The following PDE3A variants were observed in gnomAD, a reference collection of about 807,000 sequenced individuals.
PDE3A encodes the protein phosphodiesterase 3A, also known as cGMP-inhibited 3',5'-cyclic phosphodiesterase 3A.
PDE3A carries 43 observed loss-of-function variants against 98.3 expected under a neutral mutation model. That is an observed-to-expected ratio of 0.44 (90% CI 0.34 to 0.56). The LOEUF is 0.56. Ranked by LOEUF, PDE3A falls within the 20% of genes least tolerant of loss-of-function variation. The probability of loss-of-function intolerance (pLI) is 0.01; values close to 1 mark genes in which losing one functional copy is unlikely to be tolerated. For synonymous variants in PDE3A, 663 were observed against 567.9 expected (o/e 1.17, Z -2.38); for missense variants, 1,427 against 1,440.7 (o/e 0.99, Z 0.15).
intron 1 of PDE3A, among the ~76,000 whole-genome samples, chr12:20,391,679 A>G (rs1430563058): frequency 2.6e-5 from 4 of 151,780 alleles, no homozygotes; most frequent in Non-Finnish European, 4.4e-5. Flanking sequence ...GTAGAGCTCA[A>G]TTTATGAAAT....
chr12:20,479,958 A>C (rs971272653), intron 1 of PDE3A, among the ~76,000 whole-genome samples: 2 of 152,224 alleles, frequency 1.3e-5, no homozygotes, highest in Non-Finnish European at 1.5e-5. Context: ...TAAAAGACTT[A>C]GTTTGTCAAG....
Position 20,685,945 on chromosome 12 carries a change from A to G in PDE3A, c.*5674A>G, listed in dbSNP as rs1945949474. On this transcript the variant is annotated 3_prime_UTR_variant, in exon 16 of 16. Transcript: ENST00000359062. Reference sequence around the variant, plus strand: ...TCTCAAGAATGTTTAAATTTGGTTTATTTTCTTGAAGCAAAGTTATTTAAT... The same window carrying G: ...TCTCAAGAATGTTTAAATTTGGTTTGTTTTCTTGAAGCAAAGTTATTTAAT... 6.6e-6 allele frequency among the ~76,000 whole-genome samples: 1 copy of G among 152,096 alleles called. No individual in the cohort carries two copies. Among genetic ancestry groups the G allele is most frequent in the Non-Finnish European group, 1.5e-5 (1 of 67,966 alleles).
chr12:20,566,567 G>GACAA (rs945539056), intron 2 of PDE3A, among the ~76,000 whole-genome samples: 2 of 151,628 alleles, frequency 1.3e-5, no homozygotes, highest in African/African-American at 4.8e-5. Flanking sequence ...TTGTGGGTGA[G>GACAA]ACAAACAGAT....
chr12:20,382,422 T>C (rs1378563222), intron 1 of PDE3A, among the ~76,000 whole-genome samples: 2 of 151,926 alleles, frequency 1.3e-5, no homozygotes, highest in African/African-American at 4.8e-5. Context: ...TTCATAAATG[T>C]TTCACTTTGA....
At chr12:20,618,724 TA>T (rs917734396) in intron 4 of PDE3A, among the ~76,000 whole-genome samples, 1 of 152,002 alleles carries the variant, frequency 6.6e-6, no homozygotes, top group Non-Finnish European at 1.5e-5. Flanking sequence ...AGTAGGTGCT[TA>T]AAAAATAGGC....
At chr12:20,529,385 A>G (rs1946583452) in intron 1 of PDE3A, among the ~76,000 whole-genome samples, 2 of 152,156 alleles carry the variant, frequency 1.3e-5, no homozygotes, top group South Asian at 2.1e-4. Context: ...ATATACTAAG[A>G]GTTGAATTGT....
chr12:20,386,231 A>AATAT (rs1430495753), intron 1 of PDE3A, among the ~76,000 whole-genome samples: 2 of 90,290 alleles, frequency 2.2e-5, no homozygotes, highest in Non-Finnish European at 2.2e-5. Context: ...AAAAAATAAA[A>AATAT]ATATAAATAT....
intron 2 of PDE3A, among the ~76,000 whole-genome samples, chr12:20,573,078 A>G (rs563774573): frequency 2.6e-5 from 4 of 152,076 alleles, no homozygotes; most frequent in Non-Finnish European, 5.9e-5. Flanking sequence ...ACTGACTTTG[A>G]TGGTAAGTTT....
chr12:20,561,173 G>C lies in PDE3A; in HGVS notation c.1011+4463G>C, dbSNP rs181895030. 3.4e-3 allele frequency among the ~76,000 whole-genome samples: 517 copies of C among 151,952 alleles called. 3 individuals are homozygous for C. Among genetic ancestry groups the C allele is most frequent in the Non-Finnish European group, 3.5e-3 (235 of 67,996 alleles). ...CTACTCGCAAGACTGAGACAGAATA[G>C]CTTGAGCCCCGGAGGCAGAGGCTGC... On this transcript the variant is annotated intron_variant, in intron 2 of 15. Coordinates refer to ENST00000359062, the MANE Select transcript of PDE3A (RefSeq NM_000921.5).
chr12:20,677,796 C>T (rs1251477084), intron 15 of PDE3A, among the ~76,000 whole-genome samples: 1 of 117,632 alleles, frequency 8.5e-6, no homozygotes, highest in African/African-American at 3.3e-5. Flanking sequence ...ATCTATGCTG[C>T]CAGTTGGGTA....
intron 1 of PDE3A, among the ~76,000 whole-genome samples, chr12:20,386,088 T>TATAAATATATAAATATATATA (rs1555140934): frequency 5.9e-5 from 2 of 33,768 alleles, no homozygotes; most frequent in Admixed American, 6.8e-4. Context: ...TATAAATATA[T>TATAAATATATAAATATATATA]AAATATATAT....
intron 13 of PDE3A, among the ~76,000 whole-genome samples, chr12:20,649,978 T>C (rs1944877393): frequency 6.6e-6 from 1 of 151,922 alleles, no homozygotes; most frequent in African/African-American, 2.4e-5. Flanking sequence ...AAAAAAGCAT[T>C]TGTTGCTAAT....
Position 20,614,320 on chromosome 12 carries a change from G to A in PDE3A, c.1269+620G>A, listed in dbSNP as rs548716700. Among the ~76,000 whole-genome samples the A allele has an allele frequency of 3.9e-3, 593 of 152,128 alleles. 2 individuals are homozygous for A. Among genetic ancestry groups the A allele is most frequent in the Non-Finnish European group, 7.1e-3 (485 of 67,966 alleles). ...TGAGTTTTATGAAAGTAAATTGTAG[G>A]AGGATCCTCACCCAGTTTAGATCTC... On this transcript the variant is annotated intron_variant, in intron 3 of 15. Coordinates refer to ENST00000359062, the MANE Select transcript of PDE3A (RefSeq NM_000921.5).
In PDE3A at chr12:20,685,756, A is replaced by G. The variant is rs1368653689; in HGVS notation, c.*5485A>G. Among the ~76,000 whole-genome samples, 1 of 152,144 alleles carries G rather than the reference A, an allele frequency of 6.6e-6. No individual in the cohort carries two copies. Among genetic ancestry groups the G allele is most frequent in the Non-Finnish European group, 1.5e-5 (1 of 68,012 alleles). On this transcript the variant is annotated 3_prime_UTR_variant, in exon 16 of 16. Coordinates refer to ENST00000359062, the MANE Select transcript of PDE3A (RefSeq NM_000921.5). ...GAAAAGTTGTGGAGCACAGAAGAAA[A>G]GCCTTCTCTTTACAGATAAAAAATG...
At chr12:20,472,803 AG>A (rs1431961334) in intron 1 of PDE3A, among the ~76,000 whole-genome samples, 1 of 152,218 alleles carries the variant, frequency 6.6e-6, no homozygotes, top group Non-Finnish European at 1.5e-5. Context: ...ATGTTGGAAA[AG>A]TAAACAGCTT....
chr12:20,431,872 G>T (rs1410047376), intron 1 of PDE3A, among the ~76,000 whole-genome samples: 1 of 152,176 alleles, frequency 6.6e-6, no homozygotes, highest in Admixed American at 6.5e-5. Context: ...TGCAGTTGTT[G>T]TAAGGTTCGT....
Position 20,369,205 on chromosome 12 carries a change from GTGT to G in PDE3A, c.-79_-77del. 1 of 912,638 alleles carries G rather than the reference GTGT, an allele frequency of 1.1e-6. No homozygotes were observed. The highest frequency in any genetic ancestry group is 1.6e-6 in the Non-Finnish European group (1 of 613,238). 56.5% of individuals were successfully genotyped at this position (912,638 alleles called of 1,614,324 possible). ...AGCGTGCGTGCGTGTGTGTGTGTGT[GTGT>G]GTGCGCGCGCGCGCGTGGGTCGGGG... On this transcript the variant is annotated 5_prime_UTR_variant, in exon 1 of 16. Coordinates refer to ENST00000359062, the MANE Select transcript of PDE3A (RefSeq NM_000921.5).
intron 15 of PDE3A, among the ~76,000 whole-genome samples, chr12:20,677,450 C>T (rs1417473050): frequency 8.6e-6 from 1 of 115,646 alleles, no homozygotes; most frequent in Non-Finnish European, 2.0e-5. Context: ...GTTGCTTGTT[C>T]TAATTTTTTT....
At chr12:20,438,420 C>A (rs1321526876) in intron 1 of PDE3A, among the ~76,000 whole-genome samples, 1 of 152,124 alleles carries the variant, frequency 6.6e-6, no homozygotes, top group Non-Finnish European at 1.5e-5. Context: ...TATGCGAATA[C>A]ACAGAAATAA....
Sources: gnomAD v4.1 joint callset for allele counts (sites outside exome capture counted in the v4.1 genomes callset) on GRCh38, gnomAD v4.1.1 for gene constraint, MANE v1.5 for transcripts, NCBI Gene and HGNC (gene_info 2026-07-23, HGNC 2026-07-21) for gene names.